SLC22A13: variants seen among roughly 807,000 people sequenced by gnomAD.
SLC22A13 encodes the protein organic anion transporter 10.
SLC22A13 carries 42 observed loss-of-function variants against 49.1 expected under a neutral mutation model. The ratio of observed to expected loss-of-function variants is 0.85; its 90% CI spans 0.67 to 1.11. SLC22A13 has a LOEUF of 1.11. SLC22A13 is among the 50% of genes least tolerant of loss of function. The probability of loss-of-function intolerance (pLI) is 0.00; values close to 1 mark genes in which losing one functional copy is unlikely to be tolerated. For missense variants in SLC22A13, 694 were observed against 712.8 expected (o/e 0.97, Z 0.30); for synonymous variants, 282 against 293.1 (o/e 0.96, Z 0.39).
At position 38,277,523 on chromosome 3, in the gene SLC22A13, G is replaced by A. The variant is rs1403283316; in HGVS notation, c.*58G>A. 2 of 1,313,098 alleles carry A rather than the reference G, an allele frequency of 1.5e-6. No individual in the cohort carries two copies. The highest frequency in any genetic ancestry group is 2.2e-6 in the Non-Finnish European group (2 of 916,450). The allele number at this position is 1,313,098 out of a possible 1,614,324, so 81.3% of individuals were successfully genotyped here. On this transcript the variant is annotated 3_prime_UTR_variant, in exon 10 of 10. Coordinates refer to ENST00000311856, the MANE Select transcript of SLC22A13 (RefSeq NM_004256.4). Reference sequence around the variant, plus strand: ...AGGGAGCTGCCTAAACACCTCCTTGGATATGGCCAGGACCCACAGGGACAC... The same window carrying A: ...AGGGAGCTGCCTAAACACCTCCTTGAATATGGCCAGGACCCACAGGGACAC...
rs555869760 is a variant in SLC22A13, at chr3:38,274,335, C to T, written c.442C>T (p.Leu148Phe). The T allele has an allele frequency of 1.9e-6, 3 of 1,614,162 alleles. No homozygotes were observed. The highest frequency in any genetic ancestry group is 2.2e-5 in the South Asian group (2 of 91,082). The change falls in exon 2 of 10, where the codon CTC (leucine) becomes TTC (phenylalanine). Residue 148 changes from leucine to phenylalanine, a missense_variant. By Grantham distance (22) the Leu-to-Phe change is conservative. Coordinates refer to ENST00000311856, the MANE Select transcript of SLC22A13 (RefSeq NM_004256.4). Reference protein sequence around the residue: ...DTTQSVFMAGLLVGTLMFGPL... With the variant: ...DTTQSVFMAGFLVGTLMFGPL... ...CACACAGTCAGTGTTCATGGCTGGG[C>T]TCCTTGTTGGCACCCTCATGTTTGG...
At chr3:38,277,187 T>C (rs1391739794) in intron 9 of SLC22A13, 60 bp downstream of exon 9, 3 of 1,326,276 alleles carry the variant, frequency 2.3e-6, no homozygotes, top group African/African-American at 1.5e-5. Flanking sequence ...ACGCACTCTA[T>C]ATGCCCAGGC....
At chr3:38,276,880 G>C (rs1297640385) in intron 8 of SLC22A13, 32 bp from the exon 9 acceptor site, 1 of 1,596,584 alleles carries the variant, frequency 6.3e-7, no homozygotes, top group Admixed American at 1.7e-5. Context: ...GTTGGGCCCA[G>C]GTCTACTTAG....
chr3:38,278,549 G>A lies in SLC22A13; in HGVS notation c.*1084G>A, dbSNP rs1012260216. Among the ~76,000 whole-genome samples, 19 of 152,116 alleles carry A rather than the reference G, an allele frequency of 1.2e-4. No homozygotes were observed. The highest frequency in any genetic ancestry group is 4.3e-4 in the African/African-American group (18 of 41,418). ...AAGATGGCCTTCTTGGCTGGGCGTG[G>A]TGGTTCATGCCTGTAATCCCAGCAC... On this transcript the variant is annotated 3_prime_UTR_variant, in exon 10 of 10. Transcript: ENST00000311856.
chr3:38,277,342 C>A (rs1209398652), intron 9 of SLC22A13, 30 bp from the exon 10 acceptor site: 2 of 1,533,562 alleles, frequency 1.3e-6, no homozygotes, highest in South Asian at 2.3e-5. Context: ...AATTCCTGGG[C>A]AGCCAATGAC....
chr3:38,274,330 C>A lies in SLC22A13; in HGVS notation c.437C>A (p.Ala146Asp), dbSNP rs149836. The change falls in exon 2 of 10, where the codon GCT (alanine) becomes GAT (aspartate). Residue 146 changes from alanine to aspartate, a missense_variant. Ala to Asp is a moderately radical substitution (Grantham distance 126). Transcript: ENST00000311856. Reference protein sequence around the residue: ...LKDTTQSVFMAGLLVGTLMFG... With the variant: ...LKDTTQSVFMDGLLVGTLMFG... ...GACACCACACAGTCAGTGTTCATGG[C>A]TGGGCTCCTTGTTGGCACCCTCATG... 3 of 1,614,090 alleles carry A rather than the reference C, an allele frequency of 1.9e-6. No homozygotes were observed. The highest frequency in any genetic ancestry group is 2.5e-6 in the Non-Finnish European group (3 of 1,180,026).
At chr3:38,270,507 G>A (rs896836378) in intron 1 of SLC22A13, 2 of 215,128 alleles carry the variant, frequency 9.3e-6, no homozygotes, top group Non-Finnish European at 2.0e-5. Context: ...ATTTTTGAAT[G>A]AGGACGGAGA....
At position 38,268,536 on chromosome 3, in the gene SLC22A13, C is replaced by CT. The variant is rs148843732; in HGVS notation, c.378+2305dup. Among the ~76,000 whole-genome samples the CT allele has an allele frequency of 9.1e-3, 1,389 of 152,292 alleles. 14 individuals carry two copies. The highest frequency in any genetic ancestry group is 0.021 in the African/African-American group (877 of 41,560). ...GCATATGAGAGAATGACAGGAAAGA[C>CT]TTTTTTTCAGATTATGAACTCACTC... is the stretch of plus-strand genomic sequence containing the variant. On this transcript the variant is annotated intron_variant, in intron 1 of 9. Transcript: ENST00000311856.
At chr3:38,267,939 G>A (rs185818586) in intron 1 of SLC22A13, among the ~76,000 whole-genome samples, 51 of 152,290 alleles carry the variant, frequency 3.3e-4, no homozygotes, top group Non-Finnish European at 4.4e-4. Flanking sequence ...GGGAGCAGTG[G>A]GTGTGCCTGC....
chr3:38,274,249 A>G, intron 1 of SLC22A13, 23 bp from the exon 2 acceptor site: 1 of 1,578,188 alleles, frequency 6.3e-7, no homozygotes, highest in Non-Finnish European at 8.7e-7. Context: ...CCCTGGACTC[A>G]CATCTGCCTG....
intron 1 of SLC22A13, chr3:38,270,913 C>T (rs1027312169): frequency 9.8e-5 from 15 of 152,410 alleles, no homozygotes; most frequent in African/African-American, 3.4e-4. Context: ...TCTACCCTAA[C>T]ATGCTCTCCT....
At position 38,276,307 on chromosome 3, in the gene SLC22A13, A is replaced by C; in HGVS notation, c.1258A>C (p.Met420Leu). ...IPADLPVVVT[M>L]LAVVGKMATA... ...GCCAGATCTGCCCGTGGTGGTCACC[A>C]TGCTGGCTGTGGTGGGGAAGATGGC... Residue 420 changes from methionine to leucine, a missense_variant, in exon 8 of 10, where the codon ATG becomes CTG. By Grantham distance (15) the Met-to-Leu change is conservative (BLOSUM62 2). Transcript: ENST00000311856. The C allele has an allele frequency of 6.2e-7, 1 of 1,613,484 alleles. No individual in the cohort carries two copies. The highest frequency in any genetic ancestry group is 8.5e-7 in the Non-Finnish European group (1 of 1,179,638).
At chr3:38,274,161 A>G (rs1703549621) in intron 1 of SLC22A13, 111 bp from the exon 2 acceptor site, 2 of 786,054 alleles carry the variant, frequency 2.5e-6, no homozygotes, top group African/African-American at 3.4e-5. Context: ...GCCTCAGTAC[A>G]CAGTTTGGGA....
intron 1 of SLC22A13, among the ~76,000 whole-genome samples, chr3:38,271,869 T>C (rs1703526819): frequency 6.6e-6 from 1 of 152,082 alleles, no homozygotes. Flanking sequence ...GGTTTTGGAA[T>C]AGGGGAGGGA....
In SLC22A13 at chr3:38,276,062, C is replaced by T. The variant is rs754256894; in HGVS notation, c.1203C>T (p.Gly401=). The T allele has an allele frequency of 3.7e-6, 6 of 1,613,838 alleles. No individual in the cohort carries two copies. The African/African-American group carries it at 8.0e-5, about 22-fold the overall frequency. The change falls in exon 7 of 10, where the codon GGC becomes GGT. Residue 401 remains glycine (G), a synonymous_variant. Transcript: ENST00000311856. ...AGTTGGGGACCTTGGTCTTGGGTGG[C>T]CTGATGTGTATCATCATCATCTTCA... ...WSQLGTLVLG[G]LMCIIIIFIP...
At chr3:38,274,434 C>A in intron 2 of SLC22A13, 59 bp downstream of exon 2, 1 of 1,499,116 alleles carries the variant, frequency 6.7e-7, no homozygotes, top group Non-Finnish European at 9.3e-7. Context: ...TGGCACAGGC[C>A]CAAGTCCCCC....
At chr3:38,276,425 C>T in intron 8 of SLC22A13, 30 bp downstream of exon 8, 1 of 1,468,456 alleles carries the variant, frequency 6.8e-7, no homozygotes, top group Non-Finnish European at 9.5e-7. Flanking sequence ...TCCTGCTCCT[C>T]TGCTACTGAG....
At position 38,277,822 on chromosome 3, in the gene SLC22A13, G is replaced by A. The variant is rs1163939360; in HGVS notation, c.*357G>A. On this transcript the variant is annotated 3_prime_UTR_variant, in exon 10 of 10. Coordinates refer to ENST00000311856, the MANE Select transcript of SLC22A13 (RefSeq NM_004256.4). ...TGGAGTCCCCTGCCCTCAAAACACA[G>A]TGATGTTCAGAACAGAACACAAGGT... 1 of 180,924 alleles carries A rather than the reference G, an allele frequency of 5.5e-6. No individual in the cohort carries two copies. The highest frequency in any genetic ancestry group is 1.5e-4 in the East Asian group (1 of 6,716). 11.2% of individuals were successfully genotyped at this position (180,924 alleles called of 1,614,324 possible).
rs761744170 is a variant in SLC22A13, at chr3:38,265,928, TCCTGCTGTG to T, written c.69_77del (p.Leu24_Cys26del). The T allele has an allele frequency of 6.2e-7, 1 of 1,613,986 alleles. No individual in the cohort carries two copies. The highest frequency in any genetic ancestry group is 1.1e-5 in the South Asian group (1 of 91,080). ...GGTCGCTTCCAGATACAGCTATTGA[TCCTGCTGTG>T]TGTTCTCAACTTCCTGTCTCCCTTC... On this transcript the variant is annotated inframe_deletion, in exon 1 of 10. Coordinates refer to ENST00000311856, the MANE Select transcript of SLC22A13 (RefSeq NM_004256.4).
Sources: allele counts gnomAD v4.1 joint callset (sites outside exome capture counted in the v4.1 genomes callset), GRCh38; gene constraint gnomAD v4.1.1; transcripts MANE v1.5; gene names NCBI Gene and HGNC (gene_info 2026-07-23, HGNC 2026-07-21).